Variants in FGF17 observed in about 807,000 individuals in gnomAD.
FGF17 encodes the protein fibroblast growth factor 17.
A neutral mutation model predicts 23.5 loss-of-function variants in FGF17; 5 were observed. The observed-to-expected ratio is 0.21, with a 90% confidence interval of 0.11 to 0.45. FGF17 has a LOEUF of 0.45. FGF17 is among the 20% of genes least tolerant of loss of function. The probability of loss-of-function intolerance (pLI) is 0.99; values close to 1 mark genes in which losing one functional copy is unlikely to be tolerated. For synonymous variants in FGF17, 136 were observed against 123.0 expected, an observed-to-expected ratio of 1.11 and a Z score of -0.70; for missense variants, 221 against 306.9, an observed-to-expected ratio of 0.72 and a Z score of 2.09.
intron 2 of FGF17, 142 bp from the exon 3 acceptor site, chr8:22,045,972 T>C (rs1223254009): frequency 6.4e-7 from 1 of 1,560,902 alleles, no homozygotes; most frequent in Admixed American, 1.9e-5. Flanking sequence ...CTGGGAAGGC[T>C]ATGGCCATAT....
At chr8:22,043,111 C>T in intron 1 of FGF17, 34 bp from the exon 2 acceptor site, 1 of 1,612,588 alleles carries the variant, frequency 6.2e-7, no homozygotes, top group Non-Finnish European at 8.5e-7. Flanking sequence ...GCAGCTGGCA[C>T]CCACACCTGG....
chr8:22,043,674 A>C (rs1388573122), intron 2 of FGF17, among the ~76,000 whole-genome samples: 1 of 152,128 alleles, frequency 6.6e-6, no homozygotes, highest in Non-Finnish European at 1.5e-5. Flanking sequence ...CCTAGAGGGC[A>C]CAGAGGTCAA....
rs1209311873 is a variant in FGF17, at chr8:22,043,180, A to T, written c.71A>T (p.Gln24Leu). The change falls in exon 2 of 5, where the codon CAG becomes CTG. Residue 24 changes from glutamine (Q) to leucine (L), a missense_variant and splice_region_variant. Physicochemically the swap from Gln to Leu is moderately radical, Grantham distance 113 (BLOSUM62 -2). Transcript: ENST00000359441. ...LQLLILCCQT[Q>L]GENHPSPNFN... ...CTGCTGATTCTCTGCTGTCAAACTC[A>T]GGTAGGCGGGCATTCCCACCGGCTT... The T allele has an allele frequency of 1.2e-6, 2 of 1,613,484 alleles. No individual in the cohort carries two copies. The highest frequency in any genetic ancestry group is 1.7e-6 in the Non-Finnish European group (2 of 1,179,962).
chr8:22,046,698 T>A, intron 4 of FGF17, 65 bp downstream of exon 4: 1 of 1,118,700 alleles, frequency 8.9e-7, no homozygotes. Flanking sequence ...ATATAGGGCA[T>A]CATGCTCCCC....
At chr8:22,044,090 AG>A (rs1178535682) in intron 2 of FGF17, among the ~76,000 whole-genome samples, 1 of 149,372 alleles carries the variant, frequency 6.7e-6, no homozygotes, top group African/African-American at 2.5e-5. Context: ...TCACACATCC[AG>A]GGGGAGCCAG....
rs1800777800 is a variant in FGF17, at chr8:22,043,397, C to G, written c.72+216C>G. Among the ~76,000 whole-genome samples the G allele has an allele frequency of 2.6e-5, 4 of 152,178 alleles. No individual in the cohort carries two copies. The South Asian group carries it at 8.3e-4, about 32-fold the overall frequency. On this transcript the variant is annotated intron_variant, in intron 2 of 4. Coordinates refer to ENST00000359441, the MANE Select transcript of FGF17 (RefSeq NM_003867.4). The stretch of plus-strand genomic sequence containing the variant: ...TGTCTCTGTCCTCCCTCTGAGGACC[C>G]TCCCCACTTCCCCTGGGTCTCTGCT...
chr8:22,039,890 G>C (rs1033319398), upstream of FGF17, among the ~76,000 whole-genome samples: 3 of 151,856 alleles, frequency 2.0e-5, no homozygotes, highest in African/African-American at 7.3e-5. Context: ...CTGCAGGTGG[G>C]CTCTGTGTTT....
intron 4 of FGF17, 117 bp downstream of exon 4, chr8:22,046,750 C>T: frequency 1.4e-6 from 1 of 704,540 alleles, no homozygotes. Context: ...AAAGACTTCC[C>T]ATCCTACTCT....
At chr8:22,043,408 C>T (rs555117326) in intron 2 of FGF17, among the ~76,000 whole-genome samples, 1 of 152,292 alleles carries the variant, frequency 6.6e-6, no homozygotes, top group South Asian at 2.1e-4. Context: ...TCCCCACTTC[C>T]CCTGGGTCTC....
upstream of FGF17, among the ~76,000 whole-genome samples, chr8:22,041,807 G>A (rs1800743557): frequency 6.6e-6 from 1 of 152,204 alleles, no homozygotes; most frequent in Admixed American, 6.5e-5. Context: ...TTCCTCATCT[G>A]CAAAATGGGC....
chr8:22,046,360 C>T, intron 3 of FGF17, 69 bp downstream of exon 3: 9 of 1,552,558 alleles, frequency 5.8e-6, no homozygotes, highest in Non-Finnish European at 5.3e-6. Flanking sequence ...TGCCTCACCT[C>T]CTGGTCCATC....
intron 2 of FGF17, chr8:22,044,654 T>C (rs939776661): frequency 4.1e-6 from 4 of 983,834 alleles, no homozygotes; most frequent in Non-Finnish European, 4.8e-6. Context: ...GCTGGGCAGG[T>C]CCCCCACCCC....
At chr8:22,045,982 T>G (rs779216037) in intron 2 of FGF17, 132 bp from the exon 3 acceptor site, 17 of 1,571,584 alleles carry the variant, frequency 1.1e-5, no homozygotes, top group South Asian at 4.6e-5. Flanking sequence ...TATGGCCATA[T>G]GCCCACTTCA....
intron 2 of FGF17, among the ~76,000 whole-genome samples, chr8:22,044,033 C>CCG (rs1229161945): frequency 5.9e-5 from 9 of 151,900 alleles, no homozygotes; most frequent in African/African-American, 2.2e-4. Flanking sequence ...CAATTCCCCC[C>CCG]CCCTTCCTTC....
intron 2 of FGF17, chr8:22,044,681 G>A: frequency 2.0e-6 from 2 of 985,742 alleles, no homozygotes; most frequent in South Asian, 4.7e-5. Context: ...TCCAGGGTGG[G>A]GCGAGGGGCA....
intron 2 of FGF17, among the ~76,000 whole-genome samples, chr8:22,044,187 C>T (rs1344764758): frequency 4.6e-5 from 7 of 152,174 alleles, no homozygotes; most frequent in South Asian, 4.1e-4. Flanking sequence ...TGCGGCTGGC[C>T]GGGCGTTTAT....
At chr8:22,047,280 G>A (rs1800917810) in intron 4 of FGF17, among the ~76,000 whole-genome samples, 1 of 152,150 alleles carries the variant, frequency 6.6e-6, no homozygotes, top group Non-Finnish European at 1.5e-5. Context: ...GGGCACAGAT[G>A]TAAGACAGGA....
chr8:22,042,516 C>A, upstream of FGF17: 1 of 281,084 alleles, frequency 3.6e-6, no homozygotes, highest in South Asian at 5.9e-5. Context: ...TGCCACACAT[C>A]GAGTTTGTCT....
intron 2 of FGF17, chr8:22,044,639 G>A: frequency 2.0e-6 from 2 of 980,606 alleles, no homozygotes; most frequent in Non-Finnish European, 2.4e-6. Flanking sequence ...GCCAGCGTGG[G>A]GCAGGCTGGG....
Sources: allele counts gnomAD v4.1 joint callset (sites outside exome capture counted in the v4.1 genomes callset), GRCh38; gene constraint gnomAD v4.1.1; transcripts MANE v1.5; gene names NCBI Gene and HGNC (gene_info 2026-07-23, HGNC 2026-07-21).